Variants in KCNC4 observed in about 807,000 individuals in gnomAD.
KCNC4 encodes the protein potassium voltage-gated channel subfamily C member 4, also known as voltage-gated potassium channel KCNC4.
Under a neutral mutation model 42.8 loss-of-function variants are expected in KCNC4, and 23 were observed. That is an observed-to-expected ratio of 0.54 (90% CI 0.39 to 0.76). The LOEUF (loss-of-function observed/expected upper bound fraction) is 0.76. Among genes scored for constraint, KCNC4 ranks in the 30% least tolerant of loss-of-function variants. The probability of loss-of-function intolerance (pLI) is 0.00; values close to 1 mark genes in which losing one functional copy is unlikely to be tolerated. For synonymous variants in KCNC4, 422 were observed against 393.5 expected, an observed-to-expected ratio of 1.07 and a Z score of -0.86; for missense variants, 751 against 898.2, an observed-to-expected ratio of 0.84 and a Z score of 2.10.
intron 3 of KCNC4, chr1:110,232,193 T>C (rs1658727547): frequency 6.2e-7 from 1 of 1,611,172 alleles, no homozygotes; most frequent in Non-Finnish European, 8.5e-7. Flanking sequence ...AATAAGGTAC[T>C]ATTTCCTGAC....
rs1027548079 is a variant in KCNC4 at position 110,232,893 on chromosome 1, T to C, written c.1820-18T>C. 14 of 1,607,382 alleles carry C rather than the reference T, an allele frequency of 8.7e-6. No homozygotes were observed. The highest frequency in any genetic ancestry group is 1.3e-5 in the African/African-American group (1 of 74,724). ...AGCGTGCGTCCCAGTGTCTCACACC[T>C]GTGCTCTTTAAACACAGAGACCTGC... On this transcript the variant is annotated intron_variant, in intron 3 of 3. Transcript: ENST00000438661.
intron 1 of KCNC4, among the ~76,000 whole-genome samples, chr1:110,273,530 A>G (rs4839287): frequency 0.58 from 88,101 of 152,098 alleles, 25,738 homozygotes; most frequent in South Asian, 0.64. Context: ...AAAACTGACC[A>G]GAGAATTGGC....
At chr1:110,214,730 G>A (rs1657681739) in intron 1 of KCNC4, among the ~76,000 whole-genome samples, 1 of 152,204 alleles carries the variant, frequency 6.6e-6, no homozygotes, top group Admixed American at 6.5e-5. Context: ...CACTGAACTA[G>A]GCTGTTTTTG....
intron 1 of KCNC4, among the ~76,000 whole-genome samples, chr1:110,259,819 T>C (rs886198154): frequency 8.5e-5 from 13 of 152,224 alleles, no homozygotes; most frequent in African/African-American, 2.9e-4. Flanking sequence ...TAAGCCAGCA[T>C]GGTTGGGTTT....
downstream of KCNC4, among the ~76,000 whole-genome samples, chr1:110,284,049 C>A (rs1659871514): frequency 6.6e-6 from 1 of 152,104 alleles, no homozygotes; most frequent in Non-Finnish European, 1.5e-5. Flanking sequence ...ATACAAAGAT[C>A]AAGGGAAATA....
Position 110,223,398 on chromosome 1 carries a change from C to A in KCNC4, c.1113C>A (p.Gly371=). The A allele has an allele frequency of 1.2e-6, 2 of 1,613,958 alleles. No individual in the cohort carries two copies. Among genetic ancestry groups the A allele is most frequent in the Non-Finnish European group, 1.7e-6 (2 of 1,180,016 alleles). The change falls in exon 2 of 4, where the codon GGC becomes GGA. Residue 371 remains glycine (G), a synonymous_variant. Transcript: ENST00000438661. The surrounding 1 kb of genome is among the most constrained non-coding windows in gnomAD (Gnocchi z 7.5). The part of the protein sequence containing the change: ...TRHFVGLRVL[G]HTLRASTNEF... ...ACTTCGTGGGGCTACGCGTGCTGGG[C>A]CACACCCTGAGGGCCAGCACCAATG...
At position 110,211,347 on chromosome 1, in the gene KCNC4, G is replaced by A. The variant is rs1246031446; in HGVS notation, c.-153G>A. 22 of 1,128,750 alleles carry A rather than the reference G, an allele frequency of 1.9e-5. No individual in the cohort carries two copies. The highest frequency in any genetic ancestry group is 2.7e-5 in the Non-Finnish European group (22 of 812,422). 69.9% of individuals were successfully genotyped at this position (1,128,750 alleles called of 1,614,324 possible). On this transcript the variant is annotated 5_prime_UTR_variant, in exon 1 of 4. Transcript: ENST00000438661. The surrounding 1 kb of genome is among the most constrained non-coding windows in gnomAD (Gnocchi z 6.5). ...CTCCTCCCGCTCCGCGTCCTAGGGGGATAGGCAGGGGCAAGCCCAAGCCGC... is the reference window on the plus strand; with the variant it reads ...CTCCTCCCGCTCCGCGTCCTAGGGGAATAGGCAGGGGCAAGCCCAAGCCGC...
chr1:110,228,927 T>C (rs1658552680), intron 3 of KCNC4: 1 of 152,178 alleles, frequency 6.6e-6, no homozygotes. Context: ...TCTCCCCATA[T>C]TGGCCTCTTC....
chr1:110,232,866 A>G (rs568587861), intron 3 of KCNC4, 45 bp from the exon 4 acceptor site: 1 of 1,583,972 alleles, frequency 6.3e-7, no homozygotes, highest in South Asian at 1.2e-5. Flanking sequence ...TGTTGAGCCG[A>G]AAGCGTGCGT....
chr1:110,267,002 T>C lies in KCNC4; in HGVS notation n.31-15532T>C, dbSNP rs538967223. 1.1e-4 allele frequency among the ~76,000 whole-genome samples: 16 copies of C among 152,324 alleles called. No individual in the cohort carries two copies. The South Asian group carries it at 2.5e-3, about 24-fold the overall frequency. On this transcript the variant is annotated intron_variant and non_coding_transcript_variant, in intron 1 of 2. Transcript: ENST00000412512. ...CCAAGAGGCCTGCAGCAAAACAAAC[T>C]GCAGCAGCCCCAGAGGTCTTGTAGC...
intron 3 of KCNC4, among the ~76,000 whole-genome samples, chr1:110,230,987 G>T (rs1658663904): frequency 6.6e-6 from 1 of 152,192 alleles, no homozygotes; most frequent in African/African-American, 2.4e-5. Context: ...TTTTCCTTGG[G>T]CTAGACTTGG....
At position 110,273,164 on chromosome 1, in the gene KCNC4, T is replaced by A. The variant is rs72990575; in HGVS notation, n.31-9370T>A. On this transcript the variant is annotated intron_variant and non_coding_transcript_variant, in intron 1 of 2. Transcript: ENST00000412512. ...CTGAAAGAGGGCATCTAGTTAGAGC[T>A]ACAGAGTGCCTTTCATTGACCTGGT... Among the ~76,000 whole-genome samples, 577 of 152,332 alleles carry A rather than the reference T, an allele frequency of 3.8e-3. 5 individuals are homozygous for A. Among genetic ancestry groups the A allele is most frequent in the African/African-American group, 0.013 (544 of 41,574 alleles).
Position 110,223,438 on chromosome 1 carries a change from A to T in KCNC4, c.1153A>T (p.Ile385Phe). The T allele has an allele frequency of 6.2e-7, 1 of 1,613,972 alleles. No individual in the cohort carries two copies. Among genetic ancestry groups the T allele is most frequent in the Non-Finnish European group, 8.5e-7 (1 of 1,180,010 alleles). Residue 385 changes from isoleucine to phenylalanine, a missense_variant, in exon 2 of 4, where the codon ATC becomes TTC. Coordinates refer to ENST00000438661, the MANE Select transcript of KCNC4 (RefSeq NM_001039574.3). The surrounding 1 kb of genome is among the most constrained non-coding windows in gnomAD (Gnocchi z 7.5). ...CAGCACCAATGAGTTCCTGCTGCTT[A>T]TCATCTTCCTGGCCCTGGGTGTGCT... is the stretch of plus-strand genomic sequence containing the variant. ...RASTNEFLLL[I>F]IFLALGVLIF...
At chr1:110,262,953 T>C (rs1659480132) in intron 1 of KCNC4, among the ~76,000 whole-genome samples, 1 of 152,202 alleles carries the variant, frequency 6.6e-6, no homozygotes, top group East Asian at 1.9e-4. Context: ...TCACCTAGGA[T>C]AGCCCTGTGA....
At chr1:110,274,952 G>C (rs758251397) in intron 1 of KCNC4, among the ~76,000 whole-genome samples, 12 of 152,278 alleles carry the variant, frequency 7.9e-5, no homozygotes, top group Non-Finnish European at 1.6e-4. Flanking sequence ...CATTGGTCTA[G>C]GCGAAGAATT....
Position 110,231,638 on chromosome 1 carries a change from G to T in KCNC4, c.1820-1273G>T, listed in dbSNP as rs946118739. Among the ~76,000 whole-genome samples the T allele has an allele frequency of 3.7e-4, 56 of 152,174 alleles. 1 individual carries two copies. Among genetic ancestry groups the T allele is most frequent in the Non-Finnish European group, 6.9e-4 (47 of 68,032 alleles). On this transcript the variant is annotated intron_variant, in intron 3 of 3. Coordinates refer to ENST00000438661, the MANE Select transcript of KCNC4 (RefSeq NM_001039574.3). ...ACTTCCCTGTCCCCTAATGAGTGGG[G>T]ATCAGTGGCAGGTGTTGCTTAAGTT...
At chr1:110,256,223 G>A (rs1468603312) in intron 1 of KCNC4, among the ~76,000 whole-genome samples, 1 of 152,158 alleles carries the variant, frequency 6.6e-6, no homozygotes, top group African/African-American at 2.4e-5. Context: ...TGACATGTTA[G>A]ACAAGCGAGA....
At chr1:110,251,100 A>C (rs1471190638), downstream of KCNC4, among the ~76,000 whole-genome samples, 1 of 152,098 alleles carries the variant, frequency 6.6e-6, no homozygotes, top group Non-Finnish European at 1.5e-5. Context: ...TGCAGGGTAG[A>C]GTGGTCTACT....
In KCNC4 at chr1:110,211,411, C is replaced by T. The variant is rs1330015245; in HGVS notation, c.-89C>T. ...ACCGCCTCCTGCCTCCTCTTCGTCT[C>T]CTCCCCCTCCCCCGTCTGACGCTGC... On this transcript the variant is annotated 5_prime_UTR_variant, in exon 1 of 4. Coordinates refer to ENST00000438661, the MANE Select transcript of KCNC4 (RefSeq NM_001039574.3). This position sits in a 1 kb window ranked among gnomAD's most constrained non-coding sequence, Gnocchi z 6.5. 11 of 1,483,036 alleles carry T rather than the reference C, an allele frequency of 7.4e-6. No homozygotes were observed. Among genetic ancestry groups the T allele is most frequent in the South Asian group, 1.4e-5 (1 of 73,490 alleles). The allele number at this position is 1,483,036 out of a possible 1,614,324, so 91.9% of individuals were successfully genotyped here. A position where few individuals can be genotyped will look rare whatever the true frequency, so the allele number is the denominator to read the frequency against.
Sources: allele counts gnomAD v4.1 joint callset (sites outside exome capture counted in the v4.1 genomes callset), GRCh38; gene constraint gnomAD v4.1.1; non-coding constraint Gnocchi (gnomAD v3.1); transcripts MANE v1.5; gene names NCBI Gene and HGNC (gene_info 2026-07-23, HGNC 2026-07-21).